GPC3: variants seen among roughly 807,000 people sequenced by gnomAD.
The protein encoded by GPC3 is glypican 3, also known as glypican-3.
GPC3 carries 3 observed loss-of-function variants against 34.4 expected under a neutral mutation model. The observed-to-expected ratio is 0.09, with a 90% CI of 0.04 to 0.23. The LOEUF is 0.23. Ranked by LOEUF, GPC3 falls within the 10% of genes least tolerant of loss-of-function variation. GPC3 has a pLI of 1.00. For missense variants in GPC3, 351 were observed against 445.6 expected, an observed-to-expected ratio of 0.79 and a Z score of 1.91; for synonymous variants, 177 against 174.0, an observed-to-expected ratio of 1.02 and a Z score of -0.13.
intron 2 of GPC3, among the ~76,000 whole-genome samples, chrX:133,848,881 T>C (rs2075858490): frequency 9.2e-6 from 1 of 109,108 alleles, no homozygotes; most frequent in Non-Finnish European, 1.9e-5. Flanking sequence ...CAATGGAGAG[T>C]AAGGGGGTTG....
intron 2 of GPC3, among the ~76,000 whole-genome samples, chrX:133,828,914 A>G (rs1048688735): frequency 3.6e-5 from 4 of 112,271 alleles, no homozygotes; most frequent in African/African-American, 1.3e-4. Flanking sequence ...GTCATTCCAC[A>G]ATGTATACAT....
chrX:133,793,125 G>A (rs1159542814), intron 2 of GPC3, among the ~76,000 whole-genome samples: 3 of 111,024 alleles, frequency 2.7e-5, no homozygotes, highest in Non-Finnish European at 5.7e-5. Flanking sequence ...GACATTACAA[G>A]TTGCTTATTT....
intron 2 of GPC3, among the ~76,000 whole-genome samples, chrX:133,788,088 T>TTATATATATATATATATATA (rs56318773): frequency 5.1e-4 from 33 of 64,901 alleles, no homozygotes; most frequent in South Asian, 2.1e-3. Flanking sequence ...TCATATTATT[T>TTATATATATATATATATATA]TATATATATA....
chrX:133,661,642 CCTCTCTCTCCCCCT>C (rs2070726928), intron 6 of GPC3, 74 bp downstream of exon 6: 1 of 23,780 alleles, frequency 4.2e-5, no homozygotes, highest in Non-Finnish European at 7.3e-5. Flanking sequence ...CTCCCCCCCC[CCTCTCTCTCCCCCT>C]CTCTCTCTCC....
intron 3 of GPC3, among the ~76,000 whole-genome samples, chrX:133,708,252 T>C (rs1393354230): frequency 8.9e-6 from 1 of 112,170 alleles, no homozygotes; most frequent in East Asian, 2.8e-4. Context: ...TTTTCAAATA[T>C]ATGTTTTGTA....
intron 5 of GPC3, among the ~76,000 whole-genome samples, chrX:133,674,797 A>G (rs1482409150): frequency 8.9e-6 from 1 of 111,851 alleles, no homozygotes; most frequent in African/African-American, 3.3e-5. Flanking sequence ...GTAATGAATT[A>G]GATGACTCTT....
chrX:133,897,655 G>A (rs755033780), intron 2 of GPC3, among the ~76,000 whole-genome samples: 3 of 110,818 alleles, frequency 2.7e-5, no homozygotes, highest in Non-Finnish European at 5.7e-5. Context: ...ACATGCTCAC[G>A]TGGATGGTGC....
chrX:133,655,926 T>C (rs896302994), intron 6 of GPC3, among the ~76,000 whole-genome samples: 1 of 112,611 alleles, frequency 8.9e-6, no homozygotes, highest in East Asian at 2.8e-4. Flanking sequence ...AAAGTTAGTT[T>C]CTTCATTGCA....
chrX:133,758,199 G>A (rs571245697), intron 2 of GPC3, among the ~76,000 whole-genome samples: 3 of 111,468 alleles, frequency 2.7e-5, no homozygotes, highest in African/African-American at 9.8e-5. Flanking sequence ...CTAATACTTG[G>A]TATACACCCA....
intron 2 of GPC3, among the ~76,000 whole-genome samples, chrX:133,801,634 A>G (rs751684779): frequency 8.9e-6 from 1 of 112,490 alleles, no homozygotes; most frequent in Non-Finnish European, 1.9e-5. Flanking sequence ...AATGCAATCT[A>G]TGTCATCTCT....
chrX:133,597,510 C>T (rs1290027955), intron 6 of GPC3, among the ~76,000 whole-genome samples: 1 of 111,922 alleles, frequency 8.9e-6, no homozygotes, highest in Non-Finnish European at 1.9e-5. Context: ...ACAAAAGATT[C>T]TGGATATACA....
chrX:133,928,090 A>G (rs2124619473), intron 2 of GPC3, among the ~76,000 whole-genome samples: 1 of 109,814 alleles, frequency 9.1e-6, no homozygotes, highest in South Asian at 3.9e-4. Context: ...GTATCATCTG[A>G]CCTACATCTC....
In GPC3 at chrX:133,679,639, T is replaced by C. The variant is rs895477942; in HGVS notation, c.1292+12730A>G. Among the ~76,000 whole-genome samples the C allele has an allele frequency of 6.3e-5, 7 of 110,762 alleles. 1 individual carries two copies. The highest frequency in any genetic ancestry group is 2.0e-4 in the African/African-American group (6 of 30,423). ...CTATAGATGGAAGACACAGTACTAC[T>C]ATTTATTTTTTATTTTATTTTATTT... is the stretch of plus-strand genomic sequence containing the variant. On this transcript the variant is annotated intron_variant, in intron 5 of 7. Transcript: ENST00000370818.
intron 7 of GPC3, among the ~76,000 whole-genome samples, chrX:133,590,687 G>A (rs1336868399): frequency 2.7e-5 from 3 of 111,656 alleles, no homozygotes; most frequent in Non-Finnish European, 5.6e-5. Flanking sequence ...CACATGTGGG[G>A]AGCCCTTGGT....
intron 6 of GPC3, among the ~76,000 whole-genome samples, chrX:133,652,702 A>C (rs747333415): frequency 3.8e-4 from 43 of 111,975 alleles, no homozygotes; most frequent in African/African-American, 1.3e-3. Context: ...TGTGTCAAAT[A>C]AATCTACAGT....
At chrX:133,740,287 A>G (rs934206341) in intron 3 of GPC3, among the ~76,000 whole-genome samples, 1 of 111,934 alleles carries the variant, frequency 8.9e-6, no homozygotes, top group African/African-American at 3.2e-5. Flanking sequence ...GTGTGAGGAA[A>G]ACGTTTCCAC....
chrX:133,940,359 C>T (rs1008077654), intron 2 of GPC3, among the ~76,000 whole-genome samples: 1 of 111,356 alleles, frequency 9.0e-6, no homozygotes, highest in Admixed American at 9.6e-5. Flanking sequence ...CAAGGGAGAC[C>T]GTGTGGCTCA....
chrX:133,926,332 T>C, intron 2 of GPC3, among the ~76,000 whole-genome samples: 1 of 111,912 alleles, frequency 8.9e-6, no homozygotes, highest in Non-Finnish European at 1.9e-5. Flanking sequence ...GGAGTTTAAA[T>C]AAACTTCATT....
rs2069284591 is a variant in GPC3, at chrX:133,536,072, G to A, written c.*52C>T. On this transcript the variant is annotated 3_prime_UTR_variant, in exon 8 of 8. Transcript: ENST00000370818. ...AAATAAGAAAGTGGTTCCCTTTATCGAGGAAGACCACAGGGTGCTGTAGGG... is the reference window on the plus strand; with the variant it reads ...AAATAAGAAAGTGGTTCCCTTTATCAAGGAAGACCACAGGGTGCTGTAGGG... 6 of 986,853 alleles carry A rather than the reference G, an allele frequency of 6.1e-6. No homozygotes were observed. The highest frequency in any genetic ancestry group is 7.6e-4 in the Middle Eastern group (2 of 2,632). The allele number at this position is 986,853 out of a possible 1,213,427, so 81.3% of individuals were successfully genotyped here.
Sources: gnomAD v4.1 joint callset for allele counts (sites outside exome capture counted in the v4.1 genomes callset) on GRCh38, gnomAD v4.1.1 for gene constraint, MANE v1.5 for transcripts, NCBI Gene and HGNC (gene_info 2026-07-23, HGNC 2026-07-21) for gene names.